GPC6: variants seen among roughly 807,000 people sequenced by gnomAD.
GPC6 encodes glypican 6, also known as glypican-6.
Under a neutral mutation model 55.2 loss-of-function variants are expected in GPC6, and 14 were observed. That is an observed-to-expected ratio of 0.25 (90% CI 0.17 to 0.40). GPC6 has a LOEUF of 0.40. Ranked by LOEUF, GPC6 falls within the 10% of genes least tolerant of loss-of-function variation. The pLI, the probability that GPC6 is intolerant of heterozygous loss-of-function variation, is 1.00. For missense variants in GPC6, 641 were observed against 708.5 expected (o/e 0.90, Z 1.08); for synonymous variants, 278 against 259.6 (o/e 1.07, Z -0.68).
chr13:93,724,092 T>G (rs1373237717), intron 2 of GPC6, among the ~76,000 whole-genome samples: 1 of 150,352 alleles, frequency 6.7e-6, no homozygotes, highest in East Asian at 2.0e-4. Flanking sequence ...TAATGGCTAT[T>G]TTTTTTTTAC....
At chr13:94,327,375 G>A (rs1318166941) in intron 6 of GPC6, among the ~76,000 whole-genome samples, 4 of 152,022 alleles carry the variant, frequency 2.6e-5, no homozygotes, top group South Asian at 2.1e-4. Context: ...GGCCTTTTGC[G>A]TCTCTTTCCC....
intron 4 of GPC6, among the ~76,000 whole-genome samples, chr13:94,283,176 C>T (rs979266821): frequency 6.6e-6 from 1 of 152,208 alleles, no homozygotes; most frequent in South Asian, 2.1e-4. Context: ...CCTTTCCTTT[C>T]CCCTTACAGT....
chr13:93,364,698 CACACACACATATATAT>C (rs987650706), intron 1 of GPC6, among the ~76,000 whole-genome samples: 8 of 144,516 alleles, frequency 5.5e-5, no homozygotes, highest in South Asian at 2.2e-4. Flanking sequence ...TATATATATA[CACACACACATATATAT>C]ACACACACAT....
intron 2 of GPC6, among the ~76,000 whole-genome samples, chr13:93,746,876 C>T (rs1884416680): frequency 6.6e-6 from 1 of 152,174 alleles, no homozygotes; most frequent in African/African-American, 2.4e-5. Flanking sequence ...GTTTAACATT[C>T]TAAATCCTGT....
intron 5 of GPC6, among the ~76,000 whole-genome samples, chr13:94,296,633 C>T (rs2139099272): frequency 6.6e-6 from 1 of 152,266 alleles, no homozygotes; most frequent in South Asian, 2.1e-4. Context: ...TGGTTCTGAT[C>T]GAGTCATTGC....
chr13:93,801,016 C>G lies in GPC6; in HGVS notation c.320-29138C>G, dbSNP rs1036455518. Among the ~76,000 whole-genome samples the G allele has an allele frequency of 2.0e-5, 3 of 152,172 alleles. No homozygotes were observed. The East Asian group carries it at 5.8e-4, about 29-fold the overall frequency. On this transcript the variant is annotated intron_variant, in intron 2 of 8. Coordinates refer to ENST00000377047, the MANE Select transcript of GPC6 (RefSeq NM_005708.5). Reference sequence around the variant, plus strand: ...TCTGCTTCAAGTCAGAGCCTAGAAACTCTGAATGGCACAGTTATTTTTAAA... The same window carrying G: ...TCTGCTTCAAGTCAGAGCCTAGAAAGTCTGAATGGCACAGTTATTTTTAAA...
At chr13:93,573,627 G>T (rs186250448) in intron 2 of GPC6, among the ~76,000 whole-genome samples, 2 of 152,168 alleles carry the variant, frequency 1.3e-5, no homozygotes, top group East Asian at 3.9e-4. Context: ...AGAAAAAAGG[G>T]TTAGGTACTG....
chr13:93,703,661 A>G (rs1882750336), intron 2 of GPC6, among the ~76,000 whole-genome samples: 3 of 151,978 alleles, frequency 2.0e-5, no homozygotes, highest in Admixed American at 2.0e-4. Context: ...ACAAATGAGA[A>G]AGTAACAAAG....
Position 94,331,438 on chromosome 13 carries a change from A to G in GPC6, c.1152+25315A>G, listed in dbSNP as rs145965734. On this transcript the variant is annotated intron_variant, in intron 6 of 8. Coordinates refer to ENST00000377047, the MANE Select transcript of GPC6 (RefSeq NM_005708.5). ...GAGTGATTGCTGACCATCTGGGCCC[A>G]TATTTTTAGTTGGTTCCATAGCCCA... is the stretch of plus-strand genomic sequence containing the variant. Among the ~76,000 whole-genome samples, 459 of 152,172 alleles carry G rather than the reference A, an allele frequency of 3.0e-3. 1 individual carries two copies. Among genetic ancestry groups the G allele is most frequent in the Non-Finnish European group, 5.2e-3 (352 of 67,992 alleles).
intron 3 of GPC6, among the ~76,000 whole-genome samples, chr13:93,840,316 C>T (rs1887902528): frequency 6.6e-6 from 1 of 152,084 alleles, no homozygotes; most frequent in African/African-American, 2.4e-5. Flanking sequence ...ACTGTGAACA[C>T]ATTTACGCAC....
chr13:93,879,900 C>T (rs1001594618), intron 3 of GPC6, among the ~76,000 whole-genome samples: 210 of 151,482 alleles, frequency 1.4e-3, no homozygotes, highest in Admixed American at 2.8e-3. Flanking sequence ...AAAAAGTGGG[C>T]GAAGGACATG....
intron 6 of GPC6, among the ~76,000 whole-genome samples, chr13:94,319,620 T>C (rs960395711): frequency 5.9e-5 from 9 of 152,192 alleles, no homozygotes; most frequent in African/African-American, 1.9e-4. Flanking sequence ...TTTGAAAATG[T>C]CTTTTTGCCC....
At chr13:94,307,428 T>C (rs1458703329) in intron 6 of GPC6, among the ~76,000 whole-genome samples, 4 of 152,110 alleles carry the variant, frequency 2.6e-5, no homozygotes, top group Non-Finnish European at 5.9e-5. Flanking sequence ...GTGATCCTCC[T>C]ACCTTAGCTT....
intron 2 of GPC6, among the ~76,000 whole-genome samples, chr13:93,549,679 C>A (rs1260505952): frequency 6.6e-6 from 1 of 152,056 alleles, no homozygotes; most frequent in Non-Finnish European, 1.5e-5. Flanking sequence ...CCCTCTATCT[C>A]ACCCTGCTGG....
At chr13:94,143,404 T>C (rs1051421294) in intron 4 of GPC6, among the ~76,000 whole-genome samples, 1 of 152,214 alleles carries the variant, frequency 6.6e-6, no homozygotes, top group African/African-American at 2.4e-5. Flanking sequence ...GGCAGTGTTA[T>C]CTTTCCAAAG....
At chr13:93,830,742 T>C in intron 3 of GPC6, 197 bp downstream of exon 3, 2 of 596,144 alleles carry the variant, frequency 3.4e-6, no homozygotes, top group Non-Finnish European at 5.8e-6. Flanking sequence ...GAGAACAGGA[T>C]TTTAAGCCAT....
At chr13:93,810,510 G>C (rs1313819455) in intron 2 of GPC6, among the ~76,000 whole-genome samples, 1 of 152,156 alleles carries the variant, frequency 6.6e-6, no homozygotes, top group Non-Finnish European at 1.5e-5. Flanking sequence ...TGGCTGCTTT[G>C]AAATTCAGAT....
intron 1 of GPC6, among the ~76,000 whole-genome samples, chr13:93,391,888 A>G (rs1449956434): frequency 1.3e-5 from 2 of 152,154 alleles, no homozygotes; most frequent in South Asian, 2.1e-4. Flanking sequence ...TAGTGTTTTG[A>G]CAGTTAAAAA....
chr13:93,741,050 A>G (rs1884181282), intron 2 of GPC6, among the ~76,000 whole-genome samples: 1 of 151,782 alleles, frequency 6.6e-6, no homozygotes, highest in Admixed American at 6.6e-5. Context: ...AATGTACCTA[A>G]TATATCACAA....
Sources: gnomAD v4.1 joint callset for allele counts (sites outside exome capture counted in the v4.1 genomes callset) on GRCh38, gnomAD v4.1.1 for gene constraint, MANE v1.5 for transcripts, NCBI Gene and HGNC (gene_info 2026-07-23, HGNC 2026-07-21) for gene names.